TBXAS1: variants seen among roughly 807,000 people sequenced by gnomAD.
TBXAS1 encodes thromboxane-A synthase.
Under a neutral mutation model 60.7 loss-of-function variants are expected in TBXAS1, and 48 were observed. That is an observed-to-expected ratio of 0.79 (90% CI 0.63 to 1.01). TBXAS1 has a LOEUF of 1.01. Among genes scored for constraint, TBXAS1 ranks in the 50% least tolerant of loss-of-function variants. The pLI, the probability that TBXAS1 is intolerant of heterozygous loss-of-function variation, is 0.00. For synonymous variants in TBXAS1, 287 were observed against 269.7 expected, an observed-to-expected ratio of 1.06 and a Z score of -0.63; for missense variants, 685 against 686.3, an observed-to-expected ratio of 1.00 and a Z score of 0.02.
In TBXAS1 at chr7:139,964,848, G is replaced by A. The variant is rs1285795564; in HGVS notation, c.1134+2615G>A. On this transcript the variant is annotated intron_variant, in intron 9 of 12. Coordinates refer to ENST00000448866, the MANE Select transcript of TBXAS1 (RefSeq NM_001061.7). The stretch of plus-strand genomic sequence containing the variant: ...GATGTCATTTAGAGAGCCATGGGGC[G>A]ATAGGAGTCTGTCCCACCAGCTATA... 5.3e-5 allele frequency among the ~76,000 whole-genome samples: 8 copies of A among 152,342 alleles called. 1 individual carries two copies. In the South Asian group the frequency reaches 1.5e-3, roughly 28 times the overall value.
chr7:139,978,466 C>A (rs1367128333), intron 9 of TBXAS1, among the ~76,000 whole-genome samples: 1 of 150,908 alleles, frequency 6.6e-6, no homozygotes, highest in Non-Finnish European at 1.5e-5. Flanking sequence ...GCTGAGATTG[C>A]ACCACTGCAC....
intron 4 of TBXAS1, among the ~76,000 whole-genome samples, chr7:139,934,013 C>T (rs559909176): frequency 2.0e-5 from 3 of 152,072 alleles, no homozygotes; most frequent in South Asian, 4.1e-4. Flanking sequence ...CCAAATATGT[C>T]CCCCACCGAT....
At chr7:139,970,231 C>G (rs1300533970) in intron 9 of TBXAS1, among the ~76,000 whole-genome samples, 1 of 152,252 alleles carries the variant, frequency 6.6e-6, no homozygotes, top group Middle Eastern at 3.2e-3. Flanking sequence ...CTCAGCCTCT[C>G]GAGTAGCTGG....
At chr7:139,863,229 A>G (rs1990080) in intron 1 of TBXAS1, among the ~76,000 whole-genome samples, 2 of 152,222 alleles carry the variant, frequency 1.3e-5, no homozygotes, top group South Asian at 2.1e-4. Flanking sequence ...ATATACATGT[A>G]TAATATATTT....
intron 5 of TBXAS1, among the ~76,000 whole-genome samples, chr7:139,950,724 CGGG>C (rs1809164987): frequency 7.3e-6 from 1 of 137,384 alleles, no homozygotes; most frequent in African/African-American, 2.7e-5. Flanking sequence ...CCTCCATCTA[CGGG>C]ACCCCCTCGC....
At chr7:139,780,067 A>G (rs572210180) in intron 1 of TBXAS1, among the ~76,000 whole-genome samples, 2 of 152,136 alleles carry the variant, frequency 1.3e-5, no homozygotes, top group Non-Finnish European at 1.5e-5. Context: ...CCACTTAACT[A>G]TGTGATCTTG....
chr7:139,946,258 T>C (rs1808706310), intron 5 of TBXAS1, among the ~76,000 whole-genome samples: 1 of 152,152 alleles, frequency 6.6e-6, no homozygotes, highest in Admixed American at 6.5e-5. Context: ...GAGGATGGTT[T>C]GAGCCCAGGA....
chr7:139,853,374 C>T (rs1195343871), intron 1 of TBXAS1, among the ~76,000 whole-genome samples: 1 of 152,212 alleles, frequency 6.6e-6, no homozygotes, highest in African/African-American at 2.4e-5. Flanking sequence ...TAATGGTGAG[C>T]ACAGACTCCA....
chr7:139,815,498 C>T (rs1798123345), intron 4 of TBXAS1, among the ~76,000 whole-genome samples: 1 of 152,232 alleles, frequency 6.6e-6, no homozygotes, highest in South Asian at 2.1e-4. Flanking sequence ...GTAAACACCA[C>T]CCAACTGTTT....
intron 9 of TBXAS1, among the ~76,000 whole-genome samples, chr7:139,970,842 G>A (rs1811143800): frequency 6.6e-6 from 1 of 152,176 alleles, no homozygotes; most frequent in South Asian, 2.1e-4. Context: ...CTTTCTGTCA[G>A]GACATGTGTG....
chr7:139,827,794 C>A (rs775931731), upstream of TBXAS1, among the ~76,000 whole-genome samples: 1 of 152,156 alleles, frequency 6.6e-6, no homozygotes, highest in African/African-American at 2.4e-5. Flanking sequence ...TGTTGAGGAG[C>A]CGGAAGACAG....
At chr7:139,797,319 GA>G (rs1797599028) in intron 4 of TBXAS1, 1 of 152,168 alleles carries the variant, frequency 6.6e-6, no homozygotes, top group Admixed American at 6.5e-5. Flanking sequence ...GTTCAACTCG[GA>G]AAGAACACAG....
chr7:139,857,225 C>T (rs1373359706), intron 1 of TBXAS1, among the ~76,000 whole-genome samples: 18 of 152,154 alleles, frequency 1.2e-4, no homozygotes, highest in Admixed American at 1.2e-3. Context: ...GCTTACTGTC[C>T]CCTGACACAT....
chr7:139,852,933 AAT>A lies in TBXAS1; in HGVS notation c.90-19300_90-19299del, dbSNP rs879493276. ...CCTGTGTACCAACCTTGGCTACTCCAATACACACACACACACACACACACACA... is the reference window on the plus strand; with the variant it reads ...CCTGTGTACCAACCTTGGCTACTCCAACACACACACACACACACACACACA... On this transcript the variant is annotated intron_variant, in intron 1 of 12. Coordinates refer to ENST00000448866, the MANE Select transcript of TBXAS1 (RefSeq NM_001061.7). The surrounding 1 kb of genome is among the most constrained non-coding windows in gnomAD (Gnocchi z 4.4). 5.1e-3 allele frequency among the ~76,000 whole-genome samples: 598 copies of A among 118,202 alleles called. 1 individual carries two copies. Among genetic ancestry groups the A allele is most frequent in the Non-Finnish European group, 6.8e-3 (387 of 57,308 alleles). The allele number at this position is 118,202 out of a possible 152,430, so 77.5% of individuals were successfully genotyped here.
chr7:139,995,306 T>C (rs556917462), intron 9 of TBXAS1, among the ~76,000 whole-genome samples: 1 of 152,294 alleles, frequency 6.6e-6, no homozygotes, highest in Non-Finnish European at 1.5e-5. Flanking sequence ...CCCAAACAGC[T>C]AGTGACCTGC....
At chr7:139,841,817 T>A (rs951514126) in intron 1 of TBXAS1, among the ~76,000 whole-genome samples, 1 of 152,244 alleles carries the variant, frequency 6.6e-6, no homozygotes, top group East Asian at 1.9e-4. Context: ...ATTTTCCTGA[T>A]AGGCTAAACC....
chr7:139,785,914 T>G (rs1230720519), intron 3 of TBXAS1, among the ~76,000 whole-genome samples: 1 of 151,732 alleles, frequency 6.6e-6, no homozygotes, highest in Non-Finnish European at 1.5e-5. Context: ...AAGACCCAGT[T>G]CACATGCTAT....
At chr7:139,849,419 C>CA (rs974073284) in intron 1 of TBXAS1, among the ~76,000 whole-genome samples, 7 of 151,644 alleles carry the variant, frequency 4.6e-5, no homozygotes, top group Non-Finnish European at 8.8e-5. Flanking sequence ...AACAACCCAC[C>CA]AAAAAACAGA....
At chr7:139,808,356 C>A (rs1797930515) in intron 4 of TBXAS1, among the ~76,000 whole-genome samples, 1 of 151,834 alleles carries the variant, frequency 6.6e-6, no homozygotes, top group Non-Finnish European at 1.5e-5. Context: ...AAAAACAAAA[C>A]CCTCAAGGGC....
Sources: allele counts gnomAD v4.1 joint callset (sites outside exome capture counted in the v4.1 genomes callset), GRCh38; gene constraint gnomAD v4.1.1; non-coding constraint Gnocchi (gnomAD v3.1); transcripts MANE v1.5; gene names NCBI Gene and HGNC (gene_info 2026-07-23, HGNC 2026-07-21).